Variants in MAP1B observed in about 807,000 individuals in gnomAD.
MAP1B encodes microtubule-associated protein 1B.
A neutral mutation model predicts 176.1 loss-of-function variants in MAP1B; 12 were observed. That is an observed-to-expected ratio of 0.07 (90% CI 0.04 to 0.11). The LOEUF (loss-of-function observed/expected upper bound fraction) is 0.11, where lower values mean the gene tolerates loss of function less well. Ranked by LOEUF, MAP1B falls within the 10% of genes least tolerant of loss-of-function variation. MAP1B has a pLI of 1.00. For missense variants in MAP1B, 2,523 were observed against 2,990.5 expected, an observed-to-expected ratio of 0.84 and a Z score of 3.65; for synonymous variants, 1,044 against 1,135.0, an observed-to-expected ratio of 0.92 and a Z score of 1.61.
In MAP1B at chr5:72,134,548, C is replaced by T. The variant is rs183985210; in HGVS notation, c.286+18749C>T. ...ATTTGGTTTTGCTTCATTTTGTTAA[C>T]GGAAGCTGTTGTCTTACCACATAGG... On this transcript the variant is annotated intron_variant, in intron 2 of 6. Coordinates refer to ENST00000296755, the MANE Select transcript of MAP1B (RefSeq NM_005909.5). 4.3e-3 allele frequency among the ~76,000 whole-genome samples: 648 copies of T among 152,034 alleles called. 4 individuals are homozygous for T. Among genetic ancestry groups the T allele is most frequent in the African/African-American group, 7.3e-3 (303 of 41,482 alleles).
intron 2 of MAP1B, among the ~76,000 whole-genome samples, chr5:72,172,775 A>C (rs894720514): frequency 1.3e-5 from 2 of 152,224 alleles, no homozygotes; most frequent in African/African-American, 4.8e-5. Context: ...ATTTTAAAGG[A>C]GGTCACTTAT....
chr5:72,162,139 C>T (rs1052429622), intron 2 of MAP1B, among the ~76,000 whole-genome samples: 1 of 152,114 alleles, frequency 6.6e-6, no homozygotes, highest in African/African-American at 2.4e-5. Flanking sequence ...GGACTGAACT[C>T]AGTGCTGCGT....
In MAP1B at chr5:72,196,174, G is replaced by A; in HGVS notation, c.2819G>A (p.Gly940Glu). 1 of 1,613,392 alleles carries A rather than the reference G, an allele frequency of 6.2e-7. No homozygotes were observed. Among genetic ancestry groups the A allele is most frequent in the South Asian group, 1.1e-5 (1 of 91,030 alleles). ...GAGFEESSET[G>E]DYEEKAETEE... ...GGTTTTGAAGAATCTTCAGAGACTG[G>A]AGACTATGAAGAGAAGGCAGAAACT... The change falls in exon 5 of 7, where the codon GGA becomes GAA. Residue 940 changes from glycine to glutamate, a missense_variant. Coordinates refer to ENST00000296755, the MANE Select transcript of MAP1B (RefSeq NM_005909.5). The surrounding 1 kb of genome is among the most constrained non-coding windows in gnomAD (Gnocchi z 5.3).
At chr5:72,125,639 A>T (rs1211345299) in intron 2 of MAP1B, among the ~76,000 whole-genome samples, 1 of 152,216 alleles carries the variant, frequency 6.6e-6, no homozygotes, top group African/African-American at 2.4e-5. Flanking sequence ...TTTTGCAAGG[A>T]GGTCCTTCTG....
At chr5:72,153,877 C>T (rs979830727) in intron 2 of MAP1B, among the ~76,000 whole-genome samples, 9 of 152,004 alleles carry the variant, frequency 5.9e-5, no homozygotes, top group Non-Finnish European at 1.3e-4. Flanking sequence ...CCAAAGCCTG[C>T]TACTGTTACT....
At chr5:72,169,944 GTAGGTA>G (rs991670299) in intron 2 of MAP1B, among the ~76,000 whole-genome samples, 6 of 152,300 alleles carry the variant, frequency 3.9e-5, no homozygotes, top group Middle Eastern at 6.8e-3. Context: ...TTAGATTTAA[GTAGGTA>G]TGATGCCTTA....
At chr5:72,143,470 A>T (rs1047477982) in intron 2 of MAP1B, among the ~76,000 whole-genome samples, 1 of 152,218 alleles carries the variant, frequency 6.6e-6, no homozygotes, top group Non-Finnish European at 1.5e-5. Flanking sequence ...GAGAGGACGT[A>T]TCGGTTTGCC....
chr5:72,138,957 A>G (rs1745889226), intron 2 of MAP1B, among the ~76,000 whole-genome samples: 1 of 152,132 alleles, frequency 6.6e-6, no homozygotes, highest in Non-Finnish European at 1.5e-5. Flanking sequence ...TACAGTCAGG[A>G]AAAAGTATAC....
At chr5:72,112,432 C>T (rs1054655646) in intron 1 of MAP1B, among the ~76,000 whole-genome samples, 5 of 152,204 alleles carry the variant, frequency 3.3e-5, no homozygotes, top group African/African-American at 9.7e-5. Flanking sequence ...CTAGCCTGTA[C>T]ACACCAAGAG....
Position 72,186,779 on chromosome 5 carries a change from G to A in MAP1B, c.510+25G>A, listed in dbSNP as rs1746907995. 9 of 1,612,896 alleles carry A rather than the reference G, an allele frequency of 5.6e-6. No homozygotes were observed. In the East Asian group the frequency reaches 1.6e-4, roughly 28 times the overall value. On this transcript the variant is annotated intron_variant, in intron 4 of 6. Coordinates refer to ENST00000296755, the MANE Select transcript of MAP1B (RefSeq NM_005909.5). This position sits in a 1 kb window ranked among gnomAD's most constrained non-coding sequence, Gnocchi z 4.3. Reference sequence around the variant, plus strand: ...GGTAGGTTCGTGTCTGAGAATATCTGTGCTTCTAGTGGCTTGGTTGCCTTA... The same window carrying A: ...GGTAGGTTCGTGTCTGAGAATATCTATGCTTCTAGTGGCTTGGTTGCCTTA...
chr5:72,122,418 A>G (rs1365700422), intron 2 of MAP1B, among the ~76,000 whole-genome samples: 2 of 152,192 alleles, frequency 1.3e-5, no homozygotes, highest in African/African-American at 2.4e-5. Flanking sequence ...TGTACGCAGC[A>G]TAAGGCATAA....
rs778832697 is a variant in MAP1B, at chr5:72,197,162, G to A, written c.3807G>A (p.Lys1269=). 33 of 1,614,158 alleles carry A rather than the reference G, an allele frequency of 2.0e-5. No homozygotes were observed. The highest frequency in any genetic ancestry group is 2.7e-5 in the Non-Finnish European group (32 of 1,180,014). ...CATCTCCACCATCACCCTTAGAAAA[G>A]ACCCCCCTGGGTGAACGTAGTGTGA... ...LSPSPPSPLE[K]TPLGERSVNF... The change falls in exon 5 of 7, where the codon AAG becomes AAA. Residue 1269 remains lysine (K), a synonymous_variant. Coordinates refer to ENST00000296755, the MANE Select transcript of MAP1B (RefSeq NM_005909.5).
rs765532197 is a variant in MAP1B at position 72,203,544 on chromosome 5, CTTTG to C, written c.7013-15_7013-12del. 1.1e-5 allele frequency: 18 copies of C among 1,589,830 alleles called. No individual in the cohort carries two copies. The highest frequency in any genetic ancestry group is 6.7e-5 in the African/African-American group (5 of 74,168). ...TCACCTTGCTATGACCTTGCTTTGTCTTTGTTTATTTACCCAAGGACCAGGAACT... is the reference window on the plus strand; with the variant it reads ...TCACCTTGCTATGACCTTGCTTTGTCTTTATTTACCCAAGGACCAGGAACT... On this transcript the variant is annotated splice_polypyrimidine_tract_variant and intron_variant, in intron 5 of 6. Coordinates refer to ENST00000296755, the MANE Select transcript of MAP1B (RefSeq NM_005909.5).
intron 4 of MAP1B, among the ~76,000 whole-genome samples, chr5:72,189,843 AGGGAACTCAGAGTC>A (rs1303524027): frequency 6.6e-6 from 1 of 152,236 alleles, no homozygotes; most frequent in Non-Finnish European, 1.5e-5. Flanking sequence ...AACAGAGCTC[AGGGAACTCAGAGTC>A]GGGCTGGAGA....
intron 2 of MAP1B, among the ~76,000 whole-genome samples, chr5:72,177,320 A>G (rs1188186602): frequency 3.3e-5 from 5 of 151,352 alleles, no homozygotes; most frequent in African/African-American, 4.9e-5. Context: ...TGGGTAAACT[A>G]TGTTCACCTC....
chr5:72,144,433 A>T (rs965669458), intron 2 of MAP1B, among the ~76,000 whole-genome samples: 1 of 152,182 alleles, frequency 6.6e-6, no homozygotes, highest in East Asian at 1.9e-4. Flanking sequence ...TTTTCTTTTC[A>T]GAGACAGGAT....
At chr5:72,187,954 C>T (rs1202915660) in intron 4 of MAP1B, among the ~76,000 whole-genome samples, 1 of 152,230 alleles carries the variant, frequency 6.6e-6, no homozygotes, top group Non-Finnish European at 1.5e-5. Context: ...TGGGATCCCC[C>T]AGGCAGGCAG....
intron 4 of MAP1B, among the ~76,000 whole-genome samples, chr5:72,191,133 C>A: frequency 6.6e-6 from 1 of 152,162 alleles, no homozygotes; most frequent in East Asian, 1.9e-4. Context: ...GTTGAACTGG[C>A]CAAGTTTGGC....
intron 2 of MAP1B, among the ~76,000 whole-genome samples, chr5:72,158,373 A>G (rs75605683): frequency 0.033 from 4,984 of 152,212 alleles, 143 homozygotes; most frequent in African/African-American, 0.067. Flanking sequence ...GGGAAACTCT[A>G]AACGATGCAA....
Sources: allele counts gnomAD v4.1 joint callset (sites outside exome capture counted in the v4.1 genomes callset), GRCh38; gene constraint gnomAD v4.1.1; non-coding constraint Gnocchi (gnomAD v3.1); transcripts MANE v1.5; gene names NCBI Gene and HGNC (gene_info 2026-07-23, HGNC 2026-07-21).